The following SFXN4 variants were observed in gnomAD, a reference collection of about 807,000 sequenced individuals.
The protein encoded by SFXN4 is sideroflexin-4.
Under a neutral mutation model 54.6 loss-of-function variants are expected in SFXN4, and 48 were observed. The observed-to-expected ratio is 0.88, with a 90% confidence interval of 0.70 to 1.12. The LOEUF (loss-of-function observed/expected upper bound fraction) is 1.12, where lower values mean the gene tolerates loss of function less well. Ranked by LOEUF, SFXN4 falls within the 50% of genes most tolerant of loss-of-function variation. SFXN4 has a pLI of 0.00. For missense variants in SFXN4, 383 were observed against 409.2 expected (o/e 0.94, Z 0.55); for synonymous variants, 130 against 145.5 (o/e 0.89, Z 0.77).
intron 12 of SFXN4, 94 bp downstream of exon 12, chr10:119,147,681 C>A: frequency 1.9e-6 from 2 of 1,072,796 alleles, no homozygotes; most frequent in Non-Finnish European, 2.8e-6. Flanking sequence ...ACTGAGCCAA[C>A]TTCTCCCCAC....
intron 13 of SFXN4, among the ~76,000 whole-genome samples, chr10:119,142,880 T>C (rs1189224678): frequency 3.3e-5 from 5 of 151,718 alleles, no homozygotes; most frequent in East Asian, 1.9e-4. Context: ...TACAGGCGCC[T>C]GCCACCATGC....
rs1254530781 is a variant in SFXN4, at chr10:119,156,803, C to T, written c.538-47G>A. The T allele has an allele frequency of 2.8e-6, 4 of 1,427,382 alleles. No homozygotes were observed. The East Asian group carries it at 9.6e-5, about 34-fold the overall frequency. The allele number at this position is 1,427,382 out of a possible 1,614,324, so 88.4% of individuals were successfully genotyped here. On this transcript the variant is annotated intron_variant, in intron 9 of 13. Transcript: ENST00000355697. Reference sequence around the variant, plus strand: ...TCATTATTTCATGGGACTGAAAAATCAGCGGAACCTACTCACTAGCAGAGA... The same window carrying T: ...TCATTATTTCATGGGACTGAAAAATTAGCGGAACCTACTCACTAGCAGAGA...
chr10:119,163,623 G>C (rs368345550), intron 2 of SFXN4, among the ~76,000 whole-genome samples: 1 of 151,612 alleles, frequency 6.6e-6, no homozygotes. Flanking sequence ...GGCTGGTCTC[G>C]AATTCCTGAC....
Position 119,156,718 on chromosome 10 carries a change from A to G in SFXN4, c.576T>C (p.Thr192=), listed in dbSNP as rs375820613. Residue 192 remains threonine, a synonymous_variant, in exon 10 of 14, where the codon ACT becomes ACC. Transcript: ENST00000355697. ...PQFVQMKYGL[T]GPWIKRLLPV... Reference sequence around the variant, plus strand: ...GTAAGAGTCTTTTAATCCAAGGGCCAGTCAGGCCATACTTCATCTGGACAA... The same window carrying G: ...GTAAGAGTCTTTTAATCCAAGGGCCGGTCAGGCCATACTTCATCTGGACAA... 17 of 1,611,732 alleles carry G rather than the reference A, an allele frequency of 1.1e-5. No individual in the cohort carries two copies. The highest frequency in any genetic ancestry group is 1.4e-5 in the Non-Finnish European group (16 of 1,178,946).
intron 10 of SFXN4, among the ~76,000 whole-genome samples, chr10:119,155,836 C>T (rs1013570038): frequency 2.6e-5 from 4 of 152,188 alleles, no homozygotes; most frequent in Non-Finnish European, 5.9e-5. Flanking sequence ...AATTTCACCA[C>T]TGACATCAGT....
chr10:119,146,350 G>C lies in SFXN4; in HGVS notation c.822C>G (p.Thr274=), dbSNP rs1846795261. Residue 274 remains threonine (T), a synonymous_variant, in exon 13 of 14, where the codon ACC becomes ACG. Coordinates refer to ENST00000355697, the MANE Select transcript of SFXN4 (RefSeq NM_213649.2). Reference sequence around the variant, plus strand: ...ACCCTGGGTTTTTCCTGAAATACTGGGTCCTGTAAGAGACAAGGCATGGCT... The same window carrying C: ...ACCCTGGGTTTTTCCTGAAATACTGCGTCCTGTAAGAGACAAGGCATGGCT... The part of the protein sequence containing the change: ...PEVFTYFFKR[T]QYFRKNPGSL... The C allele has an allele frequency of 1.3e-6, 2 of 1,591,476 alleles. No homozygotes were observed. Among genetic ancestry groups the C allele is most frequent in the African/African-American group, 2.7e-5 (2 of 74,446 alleles).
At position 119,157,866 on chromosome 10, in the gene SFXN4, C is replaced by G; in HGVS notation, c.471+5G>C. 1 of 1,614,204 alleles carries G rather than the reference C, an allele frequency of 6.2e-7. No individual in the cohort carries two copies. Among genetic ancestry groups the G allele is most frequent in the Non-Finnish European group, 8.5e-7 (1 of 1,179,998 alleles). ...CCCACACTCTCTGGGTCTCATAATACTCACGTAACTTCTGTTTCCATTGAT... is the reference window on the plus strand; with the variant it reads ...CCCACACTCTCTGGGTCTCATAATAGTCACGTAACTTCTGTTTCCATTGAT... On this transcript the variant is annotated splice_donor_5th_base_variant and intron_variant, in intron 8 of 13. Coordinates refer to ENST00000355697, the MANE Select transcript of SFXN4 (RefSeq NM_213649.2).
intron 13 of SFXN4, among the ~76,000 whole-genome samples, chr10:119,144,049 C>G (rs1846675711): frequency 6.6e-6 from 1 of 152,150 alleles, no homozygotes; most frequent in Non-Finnish European, 1.5e-5. Context: ...GATCCTACAA[C>G]CTAAACCTAT....
At chr10:119,164,773 TA>T (rs1389777884) in intron 1 of SFXN4, among the ~76,000 whole-genome samples, 12 of 148,094 alleles carry the variant, frequency 8.1e-5, no homozygotes, top group African/African-American at 2.2e-4. Flanking sequence ...TTTCCCCACC[TA>T]AAAAAAAAAC....
At chr10:119,161,217 C>T in intron 3 of SFXN4, 136 bp from the exon 4 acceptor site, 1 of 768,216 alleles carries the variant, frequency 1.3e-6, no homozygotes, top group Non-Finnish European at 2.1e-6. Flanking sequence ...CTACTGGGTT[C>T]AAACGATCCT....
chr10:119,146,464 C>CTGTGTGTGTGTGTGTGTGT (rs1554885845), intron 12 of SFXN4, 111 bp from the exon 13 acceptor site: 3 of 486,650 alleles, frequency 6.2e-6, no homozygotes, highest in East Asian at 6.9e-5. Context: ...TGTGTGTGCA[C>CTGTGTGTGTGTGTGTGTGT]GTGTGTGTGT....
chr10:119,145,915 T>C (rs1447544799), intron 13 of SFXN4, among the ~76,000 whole-genome samples: 1 of 152,172 alleles, frequency 6.6e-6, no homozygotes, highest in Admixed American at 6.6e-5. Context: ...CTCAATCTCC[T>C]GGGCCCAGGT....
In SFXN4 at chr10:119,141,247, C is replaced by T. The variant is rs374005136; in HGVS notation, c.1009G>A (p.Val337Met). The T allele has an allele frequency of 6.8e-6, 11 of 1,610,862 alleles. No homozygotes were observed. The South Asian group carries it at 1.1e-4, about 16-fold the overall frequency. The change falls in exon 14 of 14, where the codon GTG becomes ATG. Residue 337 changes from valine (V) to methionine (M), a missense_variant. Transcript: ENST00000355697. ...AATTCACCTAAAACTCACGCCTACA[C>T]CCCTCTGTGATAAAAGATTTCTGTT... ...EETEIFYHRGV is the reference protein window; with the variant it reads ...EETEIFYHRGM
At chr10:119,164,260 A>T in intron 1 of SFXN4, 64 bp from the exon 2 acceptor site, 1 of 856,606 alleles carries the variant, frequency 1.2e-6, no homozygotes. Flanking sequence ...ATAAATACTA[A>T]CAGTTGGCTT....
intron 11 of SFXN4, among the ~76,000 whole-genome samples, chr10:119,154,058 A>G (rs893070927): frequency 2.0e-5 from 3 of 151,970 alleles, no homozygotes; most frequent in Non-Finnish European, 4.4e-5. Flanking sequence ...CGCACCTGTA[A>G]TCCCAGCTAC....
At chr10:119,142,864 T>C (rs1227512292) in intron 13 of SFXN4, among the ~76,000 whole-genome samples, 1 of 151,554 alleles carries the variant, frequency 6.6e-6, no homozygotes, top group African/African-American at 2.4e-5. Flanking sequence ...CTCGAGTAGC[T>C]GGGATTACAG....
intron 5 of SFXN4, among the ~76,000 whole-genome samples, chr10:119,160,682 C>T (rs534262700): frequency 4.0e-5 from 6 of 149,286 alleles, no homozygotes; most frequent in Middle Eastern, 3.6e-3. Context: ...CTCCGGCTCC[C>T]GGGTTCAAGT....
In SFXN4 at chr10:119,141,214, A is replaced by G. The variant is rs777280264; in HGVS notation, c.*28T>C. 110 of 1,548,130 alleles carry G rather than the reference A, an allele frequency of 7.1e-5. No individual in the cohort carries two copies. The Admixed American group carries it at 1.9e-3, about 27-fold the overall frequency. On this transcript the variant is annotated 3_prime_UTR_variant, in exon 14 of 14. Coordinates refer to ENST00000355697, the MANE Select transcript of SFXN4 (RefSeq NM_213649.2). ...GAGAGGGGAAGGTTTTCAAGCAGGA[A>G]CCACATAAATTCACCTAAAACTCAC... is the stretch of plus-strand genomic sequence containing the variant.
chr10:119,163,704 G>A (rs1180088111), intron 2 of SFXN4, among the ~76,000 whole-genome samples: 1 of 152,074 alleles, frequency 6.6e-6, no homozygotes, highest in Admixed American at 6.6e-5. Context: ...CACACGGTCA[G>A]ATGTACGCTT....
Sources: gnomAD v4.1 joint callset for allele counts (sites outside exome capture counted in the v4.1 genomes callset) on GRCh38, gnomAD v4.1.1 for gene constraint, MANE v1.5 for transcripts, NCBI Gene and HGNC (gene_info 2026-07-23, HGNC 2026-07-21) for gene names.